Variants in RANBP17 observed in about 807,000 individuals in gnomAD.
The protein encoded by RANBP17 is ran-binding protein 17.
Under a neutral mutation model 141.2 loss-of-function variants are expected in RANBP17, and 158 were observed. The ratio of observed to expected loss-of-function variants is 1.12; its 90% confidence interval spans 0.98 to 1.28. The LOEUF is 1.28. RANBP17 is among the 50% of genes most tolerant of loss of function. The pLI is 0.00. For synonymous variants in RANBP17, 430 were observed against 450.0 expected (o/e 0.96, Z 0.56); for missense variants, 1,438 against 1,290.7 (o/e 1.11, Z -1.75).
At chr5:171,080,090 G>GTGTTT (rs1785171660) in intron 14 of RANBP17, among the ~76,000 whole-genome samples, 1 of 152,082 alleles carries the variant, frequency 6.6e-6, no homozygotes, top group Non-Finnish European at 1.5e-5. Flanking sequence ...AAACCTGTCA[G>GTGTTT]TGTTTTGTTT....
chr5:171,162,282 ACT>A (rs1347835583), intron 14 of RANBP17, among the ~76,000 whole-genome samples: 1 of 151,860 alleles, frequency 6.6e-6, no homozygotes, highest in African/African-American at 2.4e-5. Context: ...ACAAATGTAC[ACT>A]CTCCATTTTC....
intron 11 of RANBP17, among the ~76,000 whole-genome samples, chr5:170,922,937 A>T (rs749988747): frequency 6.6e-6 from 1 of 152,056 alleles, no homozygotes; most frequent in South Asian, 2.1e-4. Context: ...AGCTGTTCCT[A>T]TTTGGCCATC....
intron 13 of RANBP17, among the ~76,000 whole-genome samples, chr5:170,957,591 T>A (rs1581239223): frequency 6.6e-6 from 1 of 152,200 alleles, no homozygotes; most frequent in East Asian, 1.9e-4. Flanking sequence ...TTTCAGCTCT[T>A]GTACTGCAAA....
At position 170,878,124 on chromosome 5, in the gene RANBP17, A is replaced by C. The variant is rs1467962875; in HGVS notation, c.46A>C (p.Thr16Pro). Residue 16 changes from threonine (T) to proline (P), a missense_variant, in exon 2 of 28, where the codon ACT becomes CCT. Transcript: ENST00000523189. ...QSLAELEVLC[T>P]HLYIGTDLTQ... ...TTTGGCTGAATTGGAAGTGTTATGT[A>C]CTCATCTCTACATAGGGACTGATCT... is the stretch of plus-strand genomic sequence containing the variant. 6.2e-7 allele frequency: 1 copy of C among 1,606,498 alleles called. No individual in the cohort carries two copies.
intron 14 of RANBP17, among the ~76,000 whole-genome samples, chr5:171,036,655 A>G (rs917558548): frequency 6.6e-6 from 1 of 151,826 alleles, no homozygotes; most frequent in Non-Finnish European, 1.5e-5. Context: ...GGTACCCACT[A>G]TTTAGCTACC....
At chr5:171,042,220 A>G (rs1309868967) in intron 14 of RANBP17, among the ~76,000 whole-genome samples, 2 of 152,256 alleles carry the variant, frequency 1.3e-5, no homozygotes, top group African/African-American at 2.4e-5. Context: ...CTAGGCCTAT[A>G]CAGGGTCAGG....
rs541461251 is a variant in RANBP17 at position 170,998,204 on chromosome 5, G to A, written c.1710+29827G>A. Among the ~76,000 whole-genome samples the A allele has an allele frequency of 2.0e-5, 3 of 152,144 alleles. No individual in the cohort carries two copies. The South Asian group carries it at 6.2e-4, about 32-fold the overall frequency. ...TACTTAGTTGCACAGTATGCTATGA[G>A]GTCTGTGAAATGCATGTACATTTCT... On this transcript the variant is annotated intron_variant, in intron 14 of 27. Transcript: ENST00000523189.
chr5:171,001,336 A>G (rs1779188339), intron 14 of RANBP17, among the ~76,000 whole-genome samples: 2 of 152,228 alleles, frequency 1.3e-5, no homozygotes, highest in African/African-American at 4.8e-5. Context: ...CAAGGTCCGA[A>G]TAAAAGAAGG....
chr5:171,251,929 G>T, intron 24 of RANBP17: 8 of 1,600,250 alleles, frequency 5.0e-6, no homozygotes, highest in African/African-American at 1.3e-5. Context: ...GCACTATTTT[G>T]GATTAGTCAG....
intron 14 of RANBP17, among the ~76,000 whole-genome samples, chr5:170,994,748 A>G (rs1197088957): frequency 6.6e-6 from 1 of 152,116 alleles, no homozygotes; most frequent in East Asian, 1.9e-4. Context: ...CTGTAAGGTC[A>G]TTTAGAGCTA....
At chr5:171,114,603 T>G (rs1755482266) in intron 14 of RANBP17, among the ~76,000 whole-genome samples, 1 of 151,284 alleles carries the variant, frequency 6.6e-6, no homozygotes, top group South Asian at 2.1e-4. Context: ...AGAGGGAATA[T>G]TCTGTTTTCT....
At chr5:171,072,065 G>A (rs1016180501) in intron 14 of RANBP17, among the ~76,000 whole-genome samples, 1 of 151,988 alleles carries the variant, frequency 6.6e-6, no homozygotes, top group African/African-American at 2.4e-5. Flanking sequence ...GAAGAATAAT[G>A]CCCCCACACC....
In RANBP17 at chr5:171,256,447, T is replaced by C. The variant is rs890121125; in HGVS notation, c.2777-9234T>C. On this transcript the variant is annotated intron_variant, in intron 24 of 27. Coordinates refer to ENST00000523189, the MANE Select transcript of RANBP17 (RefSeq NM_022897.5). The stretch of plus-strand genomic sequence containing the variant: ...GAAGGAAGTTTATAGCAATAAATGC[T>C]AATATCCAAAAAAGTGGAAAGATTA... 1.3e-5 allele frequency among the ~76,000 whole-genome samples: 2 copies of C among 152,314 alleles called. 1 individual carries two copies.
At chr5:170,888,415 T>C (rs183330151) in intron 3 of RANBP17, among the ~76,000 whole-genome samples, 186 of 152,304 alleles carry the variant, frequency 1.2e-3, no homozygotes, top group Admixed American at 4.5e-3. Context: ...TTTCCTCATA[T>C]GGGTCTTGTA....
In RANBP17 at chr5:171,252,257, A is replaced by C. The variant is rs867496884; in HGVS notation, c.2776+9437A>C. On this transcript the variant is annotated intron_variant, in intron 24 of 27. Transcript: ENST00000523189. ...CAAGAAGAGAGAAAGCAAGAAAAAC[A>C]AAATGGCCGCTTACCTAATGGTAAT... 5 of 1,568,128 alleles carry C rather than the reference A, an allele frequency of 3.2e-6. No individual in the cohort carries two copies. The African/African-American group carries it at 4.1e-5, about 13-fold the overall frequency.
At chr5:170,979,551 A>G (rs1363993798) in intron 14 of RANBP17, among the ~76,000 whole-genome samples, 1 of 152,134 alleles carries the variant, frequency 6.6e-6, no homozygotes, top group Admixed American at 6.5e-5. Context: ...GAATCATGGG[A>G]CAGGTCTTTC....
chr5:171,275,494 C>A (rs891760897), intron 25 of RANBP17, among the ~76,000 whole-genome samples: 5 of 152,140 alleles, frequency 3.3e-5, no homozygotes, highest in African/African-American at 1.2e-4. Flanking sequence ...CATAGGAATT[C>A]CATGTTTACA....
chr5:170,892,544 G>A lies in RANBP17; in HGVS notation c.414G>A (p.Lys138=). ...VFREIIADVK[K]FLQGTVEHCI... Reference sequence around the variant, plus strand: ...GAGAAATTATTGCTGATGTGAAGAAGTTTCTCCAGGTAAGAAGTCATTGCT... The same window carrying A: ...GAGAAATTATTGCTGATGTGAAGAAATTTCTCCAGGTAAGAAGTCATTGCT... The change falls in exon 4 of 28, where the codon AAG becomes AAA. Residue 138 remains lysine, a synonymous_variant. Transcript: ENST00000523189. 6.2e-7 allele frequency: 1 copy of A among 1,613,236 alleles called. No homozygotes were observed. The highest frequency in any genetic ancestry group is 8.5e-7 in the Non-Finnish European group (1 of 1,179,568).
chr5:171,215,069 A>G (rs1834946), intron 21 of RANBP17, among the ~76,000 whole-genome samples: 131,327 of 146,232 alleles, frequency 0.9, 58,631 homozygotes, highest in East Asian at 0.99. Flanking sequence ...CCCATCCCCC[A>G]ACAGGCCCCG....
Sources: gnomAD v4.1 joint callset for allele counts (sites outside exome capture counted in the v4.1 genomes callset) on GRCh38, gnomAD v4.1.1 for gene constraint, MANE v1.5 for transcripts, NCBI Gene and HGNC (gene_info 2026-07-23, HGNC 2026-07-21) for gene names.